UGT1A7: variants seen among roughly 807,000 people sequenced by gnomAD.
The protein encoded by UGT1A7 is UDP-glucuronosyltransferase 1A7.
UGT1A7 carries 33 observed loss-of-function variants against 45.6 expected under a neutral mutation model. That is an observed-to-expected ratio of 0.72 (90% CI 0.55 to 0.97). UGT1A7 has a LOEUF of 0.97. Among genes scored for constraint, UGT1A7 ranks in the 50% least tolerant of loss-of-function variants. UGT1A7 has a pLI of 0.00. For missense variants in UGT1A7, 684 were observed against 666.2 expected, an observed-to-expected ratio of 1.03 and a Z score of -0.29; for synonymous variants, 274 against 250.6, an observed-to-expected ratio of 1.09 and a Z score of -0.88.
chr2:233,693,399 A>T, intron 1 of UGT1A7: 2 of 1,614,156 alleles, frequency 1.2e-6, no homozygotes, highest in South Asian at 1.1e-5. Context: ...CTCCTGCAGG[A>T]CAGGGACACC....
rs186714678 is a variant in UGT1A7 at position 233,744,068 on chromosome 2, C to T, written c.856-22966C>T. On this transcript the variant is annotated intron_variant, in intron 1 of 4. Coordinates refer to ENST00000373426, the MANE Select transcript of UGT1A7 (RefSeq NM_019077.3). ...CATCTCATTGGTCGAGGCCTATGAG[C>T]GCCTCGCATCCCAAGATGCAGTGCT... is the stretch of plus-strand genomic sequence containing the variant. 2.4e-4 allele frequency: 123 copies of T among 517,010 alleles called. 1 individual carries two copies. Among genetic ancestry groups the T allele is most frequent in the African/African-American group, 1.6e-3 (78 of 49,160 alleles). 32.0% of individuals were successfully genotyped at this position (517,010 alleles called of 1,614,324 possible).
rs1042595424 is a variant in UGT1A7 at position 233,772,592 on chromosome 2, C to T, written c.*33C>T. On this transcript the variant is annotated 3_prime_UTR_variant, in exon 5 of 5. Transcript: ENST00000373426. ...GTGGGAAATAAGGTAAAATTTTGAA[C>T]CATTCCCTAGTCATTTCCAAACTTG... The T allele has an allele frequency of 7.5e-6, 12 of 1,599,668 alleles. No homozygotes were observed. The highest frequency in any genetic ancestry group is 1.3e-5 in the African/African-American group (1 of 74,558).
rs45531144 is a variant in UGT1A7 at position 233,694,707 on chromosome 2, C to T, written c.855+11915C>T. 5.7e-3 allele frequency among the ~76,000 whole-genome samples: 869 copies of T among 152,246 alleles called. 43 individuals are homozygous for T. In the East Asian group the frequency reaches 0.11, roughly 19 times the overall value. ...CAAAGACCCTTACCTCTCTTCTTTA[C>T]ACCTGCTGATTTCTCTGTTAACAAT... On this transcript the variant is annotated intron_variant, in intron 1 of 4. Coordinates refer to ENST00000373426, the MANE Select transcript of UGT1A7 (RefSeq NM_019077.3).
chr2:233,743,661 G>T, intron 1 of UGT1A7: 1 of 1,367,236 alleles, frequency 7.3e-7, no homozygotes, highest in Non-Finnish European at 9.8e-7. Flanking sequence ...TACTCGAAGG[G>T]GTCCTCGAAG....
In UGT1A7 at chr2:233,769,857, C is replaced by CAAA. The variant is rs879204025; in HGVS notation, c.1295+1433_1295+1435dup. 4.7e-4 allele frequency: 105 copies of CAAA among 224,472 alleles called. No individual in the cohort carries two copies. Among genetic ancestry groups the CAAA allele is most frequent in the South Asian group, 1.3e-3 (12 of 9,146 alleles). The allele number at this position is 224,472 out of a possible 1,614,324, so 13.9% of individuals were successfully genotyped here. ...TGGGCAACAGAGTGAGACCCTGTCT[C>CAAA]AAAAAAAAAAAAAAAAATGAAAAGT... On this transcript the variant is annotated intron_variant, in intron 4 of 4. Coordinates refer to ENST00000373426, the MANE Select transcript of UGT1A7 (RefSeq NM_019077.3). This position sits in a 1 kb window ranked among gnomAD's most constrained non-coding sequence, Gnocchi z 4.4.
At chr2:233,688,572 T>C (rs2074901486) in intron 1 of UGT1A7, among the ~76,000 whole-genome samples, 1 of 152,172 alleles carries the variant, frequency 6.6e-6, no homozygotes, top group African/African-American at 2.4e-5. Context: ...CAAACATGAG[T>C]TCATCTTGTT....
chr2:233,719,349 C>T (rs2076756865), intron 1 of UGT1A7: 2 of 1,613,758 alleles, frequency 1.2e-6, no homozygotes, highest in Admixed American at 1.7e-5. Context: ...GAGGTACATT[C>T]CATGTGACTT....
At chr2:233,693,674 T>C in intron 1 of UGT1A7, 2 of 1,614,236 alleles carry the variant, frequency 1.2e-6, no homozygotes, top group Non-Finnish European at 1.7e-6. Flanking sequence ...TCTATTTTAT[T>C]GTCTGTTTTC....
At chr2:233,707,141 G>A (rs1346403880) in intron 1 of UGT1A7, among the ~76,000 whole-genome samples, 2 of 152,124 alleles carry the variant, frequency 1.3e-5, no homozygotes, top group Admixed American at 1.3e-4. Context: ...TATCCCGGAG[G>A]TCACTGCAGT....
Position 233,772,359 on chromosome 2 carries a change from C to T in UGT1A7, c.1393C>T (p.His465Tyr), listed in dbSNP as rs1559420158. 1 of 1,614,248 alleles carries T rather than the reference C, an allele frequency of 6.2e-7. No individual in the cohort carries two copies. The highest frequency in any genetic ancestry group is 8.5e-7 in the Non-Finnish European group (1 of 1,180,052). ...GTTCTGGGTGGAGTTTGTGATGAGG[C>T]ACAAGGGCGCGCCACACCTGCGCCC... ...AVFWVEFVMR[H>Y]KGAPHLRPAA... Residue 465 changes from histidine (H) to tyrosine (Y), a missense_variant, in exon 5 of 5, where the codon CAC (histidine) becomes TAC (tyrosine). His to Tyr is a moderately conservative substitution (Grantham distance 83). Coordinates refer to ENST00000373426, the MANE Select transcript of UGT1A7 (RefSeq NM_019077.3).
In UGT1A7 at chr2:233,681,997, T is replaced by C; in HGVS notation, c.60T>C (p.Cys20=). Reference sequence around the variant, plus strand: ...TATATGTGTGTCTACTGCTGACCTGTGGCTTTGCCAAGGCAGGGAAGCTGC... The same window carrying C: ...TATATGTGTGTCTACTGCTGACCTGCGGCTTTGCCAAGGCAGGGAAGCTGC... ...LPLYVCLLLT[C]GFAKAGKLLV... Residue 20 remains cysteine (C), a synonymous_variant, in exon 1 of 5, where the codon TGT becomes TGC. Transcript: ENST00000373426. The C allele has an allele frequency of 1.2e-6, 2 of 1,614,180 alleles. No individual in the cohort carries two copies. Among genetic ancestry groups the C allele is most frequent in the South Asian group, 2.2e-5 (2 of 91,086 alleles).
intron 1 of UGT1A7, among the ~76,000 whole-genome samples, chr2:233,697,574 T>A (rs1184088386): frequency 6.6e-6 from 1 of 151,944 alleles, no homozygotes; most frequent in African/African-American, 2.4e-5. Context: ...TTTAATTTAT[T>A]TTTTCCCTGA....
intron 1 of UGT1A7, chr2:233,719,291 T>C (rs2011404): frequency 0.85 from 1,366,998 of 1,613,952 alleles, 580,228 homozygotes; most frequent in East Asian, 0.99. Flanking sequence ...TTAACCTCTG[T>C]GGGGCGGTGC....
chr2:233,743,706 C>T (rs776716166), intron 1 of UGT1A7: 66 of 1,367,252 alleles, frequency 4.8e-5, no homozygotes, highest in Non-Finnish European at 6.3e-5. Context: ...TCCGCCCCCG[C>T]CTCGCCATAG....
At chr2:233,768,527 T>C in intron 4 of UGT1A7, 88 bp downstream of exon 4, 2 of 1,515,488 alleles carry the variant, frequency 1.3e-6, no homozygotes, top group South Asian at 2.6e-5. Context: ...TAGCATTTAA[T>C]AGCGTTGTTT....
Position 233,744,040 on chromosome 2 carries a change from C to A in UGT1A7, c.856-22994C>A. 9 of 766,390 alleles carry A rather than the reference C, an allele frequency of 1.2e-5. No individual in the cohort carries two copies. In the South Asian group the frequency reaches 1.4e-4, roughly 12 times the overall value. 47.5% of individuals were successfully genotyped at this position (766,390 alleles called of 1,614,324 possible). On this transcript the variant is annotated intron_variant, in intron 1 of 4. Transcript: ENST00000373426. ...TGGAGAGACGCCCCTTATGACGCAG[C>A]CACATCTCATTGGTCGAGGCCTATG...
chr2:233,683,654 G>A (rs1360052208), intron 1 of UGT1A7, among the ~76,000 whole-genome samples: 1 of 151,956 alleles, frequency 6.6e-6, no homozygotes, highest in Non-Finnish European at 1.5e-5. Flanking sequence ...CTTTATAAAA[G>A]TATTTCATCT....
chr2:233,696,680 A>T (rs1341129173), intron 1 of UGT1A7, among the ~76,000 whole-genome samples: 1 of 152,208 alleles, frequency 6.6e-6, no homozygotes, highest in Admixed American at 6.5e-5. Context: ...CAGTGCTGAC[A>T]GTCAGCATCT....
intron 1 of UGT1A7, chr2:233,729,089 G>T (rs373016756): frequency 1.2e-6 from 2 of 1,612,560 alleles, no homozygotes; most frequent in Non-Finnish European, 1.7e-6. Flanking sequence ...CAGGCACAGC[G>T]TGGGGTGGAC....
Sources: gnomAD v4.1 joint callset for allele counts (sites outside exome capture counted in the v4.1 genomes callset) on GRCh38, gnomAD v4.1.1 for gene constraint, Gnocchi (gnomAD v3.1) non-coding constraint, MANE v1.5 for transcripts, NCBI Gene and HGNC (gene_info 2026-07-23, HGNC 2026-07-21) for gene names.